The following TFDP2 variants were observed in gnomAD, a reference collection of about 807,000 sequenced individuals.
The protein encoded by TFDP2 is transcription factor Dp-2.
A neutral mutation model predicts 59.3 loss-of-function variants in TFDP2; 17 were observed. The observed-to-expected ratio is 0.29, with a 90% CI of 0.20 to 0.43. The LOEUF is 0.43. Ranked by LOEUF, TFDP2 falls within the 20% of genes least tolerant of loss-of-function variation. TFDP2 has a pLI of 1.00. For synonymous variants in TFDP2, 180 were observed against 194.7 expected (o/e 0.92, Z 0.63); for missense variants, 391 against 528.8 (o/e 0.74, Z 2.56).
chr3:141,968,403 CAT>C lies in TFDP2; in HGVS notation c.732+1668_732+1669del, dbSNP rs60401561. Among the ~76,000 whole-genome samples the C allele has an allele frequency of 4.0e-3, 297 of 73,606 alleles. 20 individuals carry two copies. The highest frequency in any genetic ancestry group is 7.0e-3 in the Non-Finnish European group (244 of 34,754). 48.3% of individuals were successfully genotyped at this position (73,606 alleles called of 152,430 possible). ...TATCTCATATATATAACATATATAT[CAT>C]ATATATAACATATATATCTCATATA... On this transcript the variant is annotated intron_variant, in intron 9 of 12. Transcript: ENST00000489671.
At chr3:142,067,205 GA>G (rs1362173741) in intron 3 of TFDP2, among the ~76,000 whole-genome samples, 2 of 152,076 alleles carry the variant, frequency 1.3e-5, no homozygotes, top group Non-Finnish European at 2.9e-5. Flanking sequence ...AGAAGAACTA[GA>G]AACTGAAAAT....
chr3:142,075,875 C>G (rs1309981338), intron 3 of TFDP2, among the ~76,000 whole-genome samples: 2 of 145,782 alleles, frequency 1.4e-5, no homozygotes, highest in Admixed American at 7.0e-5. Context: ...TCACTGCACT[C>G]CAGCCTGGGC....
chr3:141,978,095 A>G (rs1940979470), intron 7 of TFDP2, among the ~76,000 whole-genome samples: 1 of 151,860 alleles, frequency 6.6e-6, no homozygotes, highest in Non-Finnish European at 1.5e-5. Context: ...CTGTAATCCC[A>G]GCACTTTGGA....
chr3:142,056,627 T>A (rs1343098244), intron 3 of TFDP2, among the ~76,000 whole-genome samples: 4 of 152,178 alleles, frequency 2.6e-5, no homozygotes, highest in African/African-American at 9.6e-5. Context: ...CATCTCAGAA[T>A]AAATGATACC....
intron 4 of TFDP2, 70 bp downstream of exon 4, chr3:142,005,371 A>T: frequency 8.0e-7 from 1 of 1,251,810 alleles, no homozygotes; most frequent in Non-Finnish European, 1.1e-6. Context: ...AAATATATTT[A>T]ATGCAATTAT....
intron 3 of TFDP2, among the ~76,000 whole-genome samples, chr3:142,039,678 A>C (rs1190343859): frequency 6.6e-6 from 1 of 152,182 alleles, no homozygotes; most frequent in Non-Finnish European, 1.5e-5. Flanking sequence ...GACTGCCTAA[A>C]GCTAAGGCTG....
rs192170482 is a variant in TFDP2, at chr3:142,088,889, G to A, written c.82+4172C>T. On this transcript the variant is annotated intron_variant, in intron 3 of 12. Coordinates refer to ENST00000489671, the MANE Select transcript of TFDP2 (RefSeq NM_001178139.2). ...GTCACCCAGGCTGGAGTGCAATGACGTGATCTTGGCTCACTACAACCTCTG... is the reference window on the plus strand; with the variant it reads ...GTCACCCAGGCTGGAGTGCAATGACATGATCTTGGCTCACTACAACCTCTG... 4.5e-3 allele frequency among the ~76,000 whole-genome samples: 687 copies of A among 151,466 alleles called. 3 individuals carry two copies. The highest frequency in any genetic ancestry group is 0.016 in the African/African-American group (645 of 41,304).
intron 8 of TFDP2, 61 bp from the exon 9 acceptor site, chr3:141,970,202 T>C: frequency 6.7e-7 from 1 of 1,498,892 alleles, no homozygotes; most frequent in African/African-American, 1.4e-5. Flanking sequence ...ATCGTTCACT[T>C]TCCAGGTCCC....
intron 1 of TFDP2, among the ~76,000 whole-genome samples, chr3:142,141,348 G>T (rs907191929): frequency 6.6e-6 from 1 of 152,170 alleles, no homozygotes; most frequent in African/African-American, 2.4e-5. Flanking sequence ...GCCCTTCCCT[G>T]CTTCGGCTCA....
intron 10 of TFDP2, among the ~76,000 whole-genome samples, chr3:141,960,912 C>T (rs1199083910): frequency 2.0e-5 from 3 of 152,118 alleles, no homozygotes; most frequent in Admixed American, 6.6e-5. Context: ...GGACCTACGT[C>T]GGATAACAAG....
chr3:141,955,066 AG>A (rs922549505), intron 11 of TFDP2, among the ~76,000 whole-genome samples: 4 of 22,604 alleles, frequency 1.8e-4, no homozygotes, highest in Non-Finnish European at 4.5e-4. Context: ...AATTAAAGCC[AG>A]AATCTTGTGC....
intron 3 of TFDP2, among the ~76,000 whole-genome samples, chr3:142,038,228 C>A (rs1946779306): frequency 1.3e-5 from 2 of 151,754 alleles, no homozygotes; most frequent in African/African-American, 4.8e-5. Flanking sequence ...ACTAAAAATA[C>A]AAAAGATTAG....
intron 1 of TFDP2, among the ~76,000 whole-genome samples, chr3:142,118,903 G>A (rs1219937305): frequency 2.6e-5 from 4 of 152,206 alleles, no homozygotes; most frequent in African/African-American, 4.8e-5. Context: ...GCTCACGCCT[G>A]TAATCCCAAC....
chr3:142,029,446 C>T (rs902589808), intron 3 of TFDP2, among the ~76,000 whole-genome samples: 5 of 126,230 alleles, frequency 4.0e-5, no homozygotes, highest in African/African-American at 1.5e-4. Flanking sequence ...CAAGAGGGAA[C>T]TCAATTATGT....
chr3:142,080,540 A>G (rs1431561704), intron 3 of TFDP2, among the ~76,000 whole-genome samples: 5 of 152,210 alleles, frequency 3.3e-5, no homozygotes, highest in African/African-American at 9.6e-5. Context: ...CTCTCCAATC[A>G]AAAGACATAG....
chr3:142,018,850 G>A (rs1945348091), intron 3 of TFDP2, among the ~76,000 whole-genome samples: 1 of 150,838 alleles, frequency 6.6e-6, no homozygotes, highest in Non-Finnish European at 1.5e-5. Context: ...GAGTATGGCT[G>A]AACACTGAGC....
intron 3 of TFDP2, chr3:142,044,086 C>T (rs1012788239): frequency 1.4e-5 from 9 of 646,350 alleles, no homozygotes; most frequent in Non-Finnish European, 2.3e-5. Context: ...CATCTGCTGA[C>T]GGGAGTTGGC....
At chr3:142,088,195 T>C (rs1216868080) in intron 3 of TFDP2, among the ~76,000 whole-genome samples, 1 of 152,252 alleles carries the variant, frequency 6.6e-6, no homozygotes, top group African/African-American at 2.4e-5. Flanking sequence ...TGAAAGAATG[T>C]GGCCTACCTC....
At chr3:142,101,325 A>C (rs1483182461) in intron 2 of TFDP2, among the ~76,000 whole-genome samples, 1 of 151,554 alleles carries the variant, frequency 6.6e-6, no homozygotes, top group African/African-American at 2.4e-5. Context: ...CTTTCAGACA[A>C]TATCTGAGCA....
Sources: gnomAD v4.1 joint callset for allele counts (sites outside exome capture counted in the v4.1 genomes callset) on GRCh38, gnomAD v4.1.1 for gene constraint, MANE v1.5 for transcripts, NCBI Gene and HGNC (gene_info 2026-07-23, HGNC 2026-07-21) for gene names.